Variants in GRAMD1B observed in about 807,000 individuals in gnomAD.
GRAMD1B encodes the protein protein Aster-B.
A neutral mutation model predicts 99.7 loss-of-function variants in GRAMD1B; 37 were observed. That is an observed-to-expected ratio of 0.37 (90% CI 0.29 to 0.49). The LOEUF is 0.49. Ranked by LOEUF, GRAMD1B falls within the 20% of genes least tolerant of loss-of-function variation. The pLI, the probability that GRAMD1B is intolerant of heterozygous loss-of-function variation, is 0.98. For synonymous variants in GRAMD1B, 427 were observed against 387.6 expected, an observed-to-expected ratio of 1.10 and a Z score of -1.19; for missense variants, 888 against 1,009.2, an observed-to-expected ratio of 0.88 and a Z score of 1.63.
At chr11:123,417,604 C>A (rs1203960224) in intron 1 of GRAMD1B, among the ~76,000 whole-genome samples, 1 of 152,110 alleles carries the variant, frequency 6.6e-6, no homozygotes, top group Non-Finnish European at 1.5e-5. Flanking sequence ...AGTAAATGAT[C>A]ACACATACCC....
At chr11:123,420,445 T>G (rs772993220) in intron 1 of GRAMD1B, among the ~76,000 whole-genome samples, 53 of 152,322 alleles carry the variant, frequency 3.5e-4, no homozygotes, top group Non-Finnish European at 1.8e-4. Flanking sequence ...GAATATGCCA[T>G]GAAAAGAATA....
At chr11:123,584,629 T>G (rs1949881643) in intron 4 of GRAMD1B, among the ~76,000 whole-genome samples, 2 of 151,658 alleles carry the variant, frequency 1.3e-5, no homozygotes, top group African/African-American at 2.4e-5. Context: ...AGGGAGGGAG[T>G]GGCCATTCCA....
At chr11:123,419,197 C>T (rs936325152) in intron 1 of GRAMD1B, among the ~76,000 whole-genome samples, 1 of 152,188 alleles carries the variant, frequency 6.6e-6, no homozygotes, top group African/African-American at 2.4e-5. Context: ...AACTTGGGAA[C>T]TGTGGAATGC....
intron 1 of GRAMD1B, among the ~76,000 whole-genome samples, chr11:123,403,397 A>AG (rs1359797728): frequency 6.6e-6 from 1 of 150,738 alleles, no homozygotes; most frequent in African/African-American, 2.4e-5. Flanking sequence ...ATTGCACTCC[A>AG]GCCTGGGCAA....
At chr11:123,475,737 C>G (rs938901353) in intron 1 of GRAMD1B, among the ~76,000 whole-genome samples, 4 of 152,164 alleles carry the variant, frequency 2.6e-5, no homozygotes, top group African/African-American at 9.7e-5. Context: ...TCTCCAAGTT[C>G]TTTTCAACCT....
chr11:123,403,480 TAATAATAATAA>T (rs1947744317), intron 1 of GRAMD1B, among the ~76,000 whole-genome samples: 2 of 147,676 alleles, frequency 1.4e-5, no homozygotes, highest in Admixed American at 1.4e-4. Flanking sequence ...ATAATAATAA[TAATAATAATAA>T]TTTCGTCTCT....
At chr11:123,424,108 T>C (rs1380181814) in intron 1 of GRAMD1B, among the ~76,000 whole-genome samples, 1 of 152,152 alleles carries the variant, frequency 6.6e-6, no homozygotes, top group African/African-American at 2.4e-5. Flanking sequence ...ATATGGTCAA[T>C]ATTCCAAAAA....
At chr11:123,392,104 A>G (rs1037890284) in intron 1 of GRAMD1B, among the ~76,000 whole-genome samples, 5 of 152,248 alleles carry the variant, frequency 3.3e-5, no homozygotes, top group Non-Finnish European at 5.9e-5. Context: ...ATCAGTGGGA[A>G]CAGCGAAGAC....
upstream of GRAMD1B, among the ~76,000 whole-genome samples, chr11:123,430,196 C>G (rs1948801403): frequency 6.6e-6 from 1 of 151,958 alleles, no homozygotes; most frequent in Non-Finnish European, 1.5e-5. Context: ...GGATAGCCCC[C>G]CTCACCCCGC....
At chr11:123,428,585 G>A (rs749534856), upstream of GRAMD1B, among the ~76,000 whole-genome samples, 2 of 152,242 alleles carry the variant, frequency 1.3e-5, no homozygotes, top group Non-Finnish European at 2.9e-5. Flanking sequence ...GTTGTGTAAT[G>A]TCAGGATGCC....
intron 2 of GRAMD1B, among the ~76,000 whole-genome samples, chr11:123,536,551 G>A (rs758828416): frequency 2.0e-5 from 3 of 152,118 alleles, no homozygotes; most frequent in African/African-American, 4.8e-5. Flanking sequence ...GGCCTGGCAC[G>A]TTATAAAAGT....
At chr11:123,502,773 TCA>T (rs1940000093) in intron 2 of GRAMD1B, among the ~76,000 whole-genome samples, 1 of 40,038 alleles carries the variant, frequency 2.5e-5, no homozygotes, top group Admixed American at 3.1e-4. Flanking sequence ...AGACTCCATC[TCA>T]AAAAAAAAAA....
intron 1 of GRAMD1B, among the ~76,000 whole-genome samples, chr11:123,475,569 T>G (rs1017550561): frequency 6.6e-6 from 1 of 152,262 alleles, no homozygotes; most frequent in Non-Finnish European, 1.5e-5. Context: ...CTTGAGCGAA[T>G]GGCAAGCAGT....
chr11:123,586,033 C>G (rs960234850), intron 4 of GRAMD1B, among the ~76,000 whole-genome samples: 24 of 152,046 alleles, frequency 1.6e-4, no homozygotes, highest in African/African-American at 5.8e-4. Context: ...AGGTTTCCCT[C>G]TCTGTCTGAT....
intron 19 of GRAMD1B, chr11:123,619,635 T>C (rs1024847325): frequency 5.4e-6 from 2 of 371,024 alleles, no homozygotes; most frequent in African/African-American, 2.2e-5. Context: ...CCTCTGACAG[T>C]CAGTGGCACT....
chr11:123,438,710 G>T (rs574738285), intron 1 of GRAMD1B, among the ~76,000 whole-genome samples: 1 of 152,296 alleles, frequency 6.6e-6, no homozygotes, highest in South Asian at 2.1e-4. Flanking sequence ...TCAGGTAAGG[G>T]GCTGGTATGA....
At chr11:123,569,967 G>C (rs887241980) in intron 2 of GRAMD1B, among the ~76,000 whole-genome samples, 1 of 152,196 alleles carries the variant, frequency 6.6e-6, no homozygotes, top group Non-Finnish European at 1.5e-5. Context: ...CTCCATGTCA[G>C]ATTCTTCCAC....
intron 3 of GRAMD1B, chr11:123,578,516 G>C: frequency 1.1e-6 from 1 of 924,542 alleles, no homozygotes; most frequent in Non-Finnish European, 1.7e-6. Context: ...CTCTGGCCCT[G>C]CCGATTCTGG....
intron 2 of GRAMD1B, among the ~76,000 whole-genome samples, chr11:123,485,946 C>T (rs558710159): frequency 1.3e-5 from 2 of 152,190 alleles, no homozygotes; most frequent in South Asian, 2.1e-4. Context: ...GAACTCCTGA[C>T]CTCAAGCAAT....
Sources: gnomAD v4.1 joint callset for allele counts (sites outside exome capture counted in the v4.1 genomes callset) on GRCh38, gnomAD v4.1.1 for gene constraint, MANE v1.5 for transcripts, NCBI Gene and HGNC (gene_info 2026-07-23, HGNC 2026-07-21) for gene names.